ADAM22: variants seen among roughly 807,000 people sequenced by gnomAD.
ADAM22 encodes the protein ADAM metallopeptidase domain 22.
ADAM22 carries 65 observed loss-of-function variants against 144.6 expected under a neutral mutation model. The ratio of observed to expected loss-of-function variants is 0.45; its 90% confidence interval spans 0.37 to 0.55. The LOEUF is 0.55. Among genes scored for constraint, ADAM22 ranks in the 20% least tolerant of loss-of-function variants. The pLI is 0.00. For missense variants in ADAM22, 974 were observed against 1,184.9 expected (o/e 0.82, Z 2.61); for synonymous variants, 391 against 412.6 (o/e 0.95, Z 0.63).
chr7:88,178,863 A>G (rs1210570595), intron 26 of ADAM22, 72 bp from the exon 27 acceptor site: 4 of 910,502 alleles, frequency 4.4e-6, no homozygotes, highest in Non-Finnish European at 3.3e-6. Flanking sequence ...TTTTCCTGAA[A>G]TAATATTTGT....
In ADAM22 at chr7:88,186,775, C is replaced by T. The variant is rs1024649515; in HGVS notation, c.2750+74C>T. 4 of 936,614 alleles carry T rather than the reference C, an allele frequency of 4.3e-6. No individual in the cohort carries two copies. The East Asian group carries it at 7.4e-5, about 17-fold the overall frequency. The allele number at this position is 936,614 out of a possible 1,614,324, so 58.0% of individuals were successfully genotyped here. Reference sequence around the variant, plus strand: ...TACAAATACTGTAGTGTGACTGGCTCTCTATCTTGTATCTCCCAATACAAG... The same window carrying T: ...TACAAATACTGTAGTGTGACTGGCTTTCTATCTTGTATCTCCCAATACAAG... On this transcript the variant is annotated intron_variant, in intron 30 of 31. Coordinates refer to ENST00000413139, the MANE Select transcript of ADAM22 (RefSeq NM_001324418.2).
At chr7:88,160,459 A>G (rs1011730346) in intron 22 of ADAM22, among the ~76,000 whole-genome samples, 1 of 152,186 alleles carries the variant, frequency 6.6e-6, no homozygotes, top group African/African-American at 2.4e-5. Flanking sequence ...ACTTCAAACT[A>G]TAGTACAGGG....
chr7:88,000,863 G>A (rs144081812), intron 3 of ADAM22, among the ~76,000 whole-genome samples: 54 of 152,272 alleles, frequency 3.5e-4, no homozygotes, highest in African/African-American at 1.1e-3. Flanking sequence ...GTAAAGAAGT[G>A]GAATGACTAA....
At chr7:87,981,240 G>A (rs1043594243) in intron 3 of ADAM22, among the ~76,000 whole-genome samples, 3 of 152,120 alleles carry the variant, frequency 2.0e-5, no homozygotes, top group African/African-American at 7.2e-5. Context: ...TGTTTATGAT[G>A]TGAAATATAT....
intron 4 of ADAM22, among the ~76,000 whole-genome samples, chr7:88,079,015 G>A (rs1045409528): frequency 1.3e-5 from 2 of 152,114 alleles, no homozygotes; most frequent in South Asian, 2.1e-4. Context: ...GATACTGCTC[G>A]AGAAGAGCAA....
At chr7:88,080,951 A>C (rs1472711415) in intron 4 of ADAM22, among the ~76,000 whole-genome samples, 4 of 152,202 alleles carry the variant, frequency 2.6e-5, no homozygotes, top group Non-Finnish European at 5.9e-5. Flanking sequence ...AAACTATTCC[A>C]ATCAATAGAA....
chr7:88,116,260 G>A (rs1827728758), intron 6 of ADAM22, among the ~76,000 whole-genome samples: 1 of 151,844 alleles, frequency 6.6e-6, no homozygotes, highest in Admixed American at 6.6e-5. Flanking sequence ...TTTATCTCTT[G>A]CTTTTTCATA....
At position 88,151,402 on chromosome 7, in the gene ADAM22, T is replaced by G. The variant is rs560155378; in HGVS notation, c.1681+82T>G. 3 of 1,486,286 alleles carry G rather than the reference T, an allele frequency of 2.0e-6. No individual in the cohort carries two copies. The African/African-American group carries it at 4.2e-5, about 21-fold the overall frequency. 92.1% of individuals were successfully genotyped at this position (1,486,286 alleles called of 1,614,324 possible). A position where few individuals can be genotyped will look rare whatever the true frequency, so the allele number is the denominator to read the frequency against. On this transcript the variant is annotated intron_variant, in intron 20 of 31. Coordinates refer to ENST00000413139, the MANE Select transcript of ADAM22 (RefSeq NM_001324418.2). Reference sequence around the variant, plus strand: ...AAGGACGTGTGTGCTGGAAGTAAATTTTTGACTACTTTATGACTGGGGGAT... The same window carrying G: ...AAGGACGTGTGTGCTGGAAGTAAATGTTTGACTACTTTATGACTGGGGGAT...
rs138094583 is a variant in ADAM22 at position 87,986,428 on chromosome 7, A to G, written c.323+8016A>G. ...GGAAGATCCATGGATGTGTCTGGCAAAGAGCTAGAGAATGATCCAAGGAAG... is the reference window on the plus strand; with the variant it reads ...GGAAGATCCATGGATGTGTCTGGCAGAGAGCTAGAGAATGATCCAAGGAAG... On this transcript the variant is annotated intron_variant, in intron 3 of 31. Coordinates refer to ENST00000413139, the MANE Select transcript of ADAM22 (RefSeq NM_001324418.2). Among the ~76,000 whole-genome samples, 308 of 152,294 alleles carry G rather than the reference A, an allele frequency of 2.0e-3. 2 individuals are homozygous for G. The highest frequency in any genetic ancestry group is 7.1e-3 in the African/African-American group (294 of 41,536).
In ADAM22 at chr7:88,147,845, C is replaced by G. The variant is rs376220439; in HGVS notation, c.1486-1132C>G. ...CTAAAATGTTGGCTTGTCTTAGTCC[C>G]AAGGAAGAAGAGAAACGTGAAATTA... On this transcript the variant is annotated intron_variant, in intron 17 of 31. Coordinates refer to ENST00000413139, the MANE Select transcript of ADAM22 (RefSeq NM_001324418.2). 5.9e-5 allele frequency among the ~76,000 whole-genome samples: 9 copies of G among 152,224 alleles called. No homozygotes were observed. In the South Asian group the frequency reaches 1.9e-3, roughly 32 times the overall value.
intron 28 of ADAM22, among the ~76,000 whole-genome samples, 159 bp from the exon 29 acceptor site, chr7:88,181,799 A>G (rs1375534136): frequency 9.2e-5 from 14 of 152,162 alleles, no homozygotes; most frequent in Non-Finnish European, 1.9e-4. Flanking sequence ...GACACTAGAC[A>G]CTTTGTGAAA....
chr7:88,122,998 C>T (rs1563265761), intron 7 of ADAM22, among the ~76,000 whole-genome samples: 1 of 152,122 alleles, frequency 6.6e-6, no homozygotes, highest in African/African-American at 2.4e-5. Context: ...TGAATTTTGT[C>T]AAATGCTTTT....
intron 3 of ADAM22, among the ~76,000 whole-genome samples, chr7:88,018,184 A>G (rs1172583198): frequency 1.3e-5 from 2 of 152,184 alleles, no homozygotes; most frequent in East Asian, 3.8e-4. Flanking sequence ...TCTAAACAAT[A>G]TTGATATTAA....
chr7:88,115,338 A>T (rs567035843), intron 6 of ADAM22, among the ~76,000 whole-genome samples: 2 of 152,294 alleles, frequency 1.3e-5, no homozygotes, highest in South Asian at 4.1e-4. Context: ...CTAATGTGTT[A>T]TGATCTGTCT....
At chr7:88,093,941 A>C (rs1287088732) in intron 4 of ADAM22, among the ~76,000 whole-genome samples, 3 of 152,194 alleles carry the variant, frequency 2.0e-5, no homozygotes, top group African/African-American at 7.2e-5. Flanking sequence ...AAACTCAGGC[A>C]TGTGGAGTTT....
chr7:88,120,799 C>T (rs987394363), intron 7 of ADAM22, among the ~76,000 whole-genome samples: 1 of 152,072 alleles, frequency 6.6e-6, no homozygotes, highest in Non-Finnish European at 1.5e-5. Context: ...TAGTTTTTAT[C>T]GTTATTGCTT....
At chr7:88,159,452 A>G (rs1281056481) in intron 22 of ADAM22, among the ~76,000 whole-genome samples, 1 of 152,122 alleles carries the variant, frequency 6.6e-6, no homozygotes, top group East Asian at 1.9e-4. Flanking sequence ...AGACTCTACA[A>G]AAAAAGAAAA....
intron 3 of ADAM22, among the ~76,000 whole-genome samples, chr7:88,065,327 C>T (rs1045435820): frequency 6.6e-6 from 1 of 152,012 alleles, no homozygotes; most frequent in Non-Finnish European, 1.5e-5. Context: ...TTATTTTCCA[C>T]TAAATGTATG....
At chr7:88,000,011 G>T (rs954402525) in intron 3 of ADAM22, among the ~76,000 whole-genome samples, 3 of 151,250 alleles carry the variant, frequency 2.0e-5, no homozygotes, top group Admixed American at 1.3e-4. Flanking sequence ...AAAATTATTT[G>T]CCATAAAATT....
Sources: gnomAD v4.1 joint callset for allele counts (sites outside exome capture counted in the v4.1 genomes callset) on GRCh38, gnomAD v4.1.1 for gene constraint, MANE v1.5 for transcripts, NCBI Gene and HGNC (gene_info 2026-07-23, HGNC 2026-07-21) for gene names.